The following PKN2 variants were observed in gnomAD, a reference collection of about 807,000 sequenced individuals.
PKN2 encodes protein kinase N2.
Under a neutral mutation model 119.1 loss-of-function variants are expected in PKN2, and 38 were observed. The ratio of observed to expected loss-of-function variants is 0.32; its 90% CI spans 0.25 to 0.42. The LOEUF is 0.42. Among genes scored for constraint, PKN2 ranks in the 10% least tolerant of loss-of-function variants. The pLI is 1.00. For synonymous variants in PKN2, 390 were observed against 384.9 expected (o/e 1.01, Z -0.15); for missense variants, 850 against 1,165.1 (o/e 0.73, Z 3.94).
At chr1:88,725,632 A>G (rs1667865531) in intron 1 of PKN2, among the ~76,000 whole-genome samples, 1 of 152,190 alleles carries the variant, frequency 6.6e-6, no homozygotes, top group Non-Finnish European at 1.5e-5. Flanking sequence ...TATTCCACAT[A>G]TGAATCTCCT....
In PKN2 at chr1:88,741,191, C is replaced by T; in HGVS notation, c.252C>T (p.Asn84=). 6.2e-7 allele frequency: 1 copy of T among 1,602,660 alleles called. No individual in the cohort carries two copies. The highest frequency in any genetic ancestry group is 1.1e-5 in the South Asian group (1 of 87,916). ...AAAAAAGTTTGGCTTATGTAGACAACATTTTGAAAAAATCAAATAAAAAAT... is the reference window on the plus strand; with the variant it reads ...AAAAAAGTTTGGCTTATGTAGACAATATTTTGAAAAAATCAAATAAAAAAT... ...TDKKSLAYVD[N]ILKKSNKKLE... Residue 84 remains asparagine (N), a synonymous_variant, in exon 2 of 22, where the codon AAC becomes AAT. Transcript: ENST00000370521.
At chr1:88,692,434 G>T (rs1348200366) in intron 1 of PKN2, among the ~76,000 whole-genome samples, 2 of 152,130 alleles carry the variant, frequency 1.3e-5, no homozygotes, top group Non-Finnish European at 2.9e-5. Context: ...CTTAAGAGAT[G>T]ATGCAGAACT....
intron 7 of PKN2, among the ~76,000 whole-genome samples, 172 bp from the exon 8 acceptor site, chr1:88,785,929 TAGG>T (rs1293725835): frequency 6.6e-6 from 1 of 152,232 alleles, no homozygotes; most frequent in Non-Finnish European, 1.5e-5. Context: ...GAGTGTCTAG[TAGG>T]AGTATATGTA....
intron 8 of PKN2, among the ~76,000 whole-genome samples, chr1:88,796,597 T>C (rs750679956): frequency 1.3e-5 from 2 of 152,210 alleles, no homozygotes; most frequent in Non-Finnish European, 2.9e-5. Context: ...TCCTCTCCTT[T>C]AATCTTTAGA....
chr1:88,781,071 C>T, intron 6 of PKN2: 2 of 1,153,232 alleles, frequency 1.7e-6, no homozygotes, highest in Non-Finnish European at 2.2e-6. Flanking sequence ...TCCTACTGGA[C>T]CATAAACTAA....
At chr1:88,805,745 G>C (rs768117685) in intron 11 of PKN2, 74 bp downstream of exon 11, 6 of 1,599,108 alleles carry the variant, frequency 3.8e-6, no homozygotes, top group Admixed American at 1.7e-5. Flanking sequence ...TATAGCAGGT[G>C]TACTGAGTCT....
chr1:88,692,340 A>C lies in PKN2; in HGVS notation c.48+7712A>C, dbSNP rs146455906. On this transcript the variant is annotated intron_variant, in intron 1 of 21. Transcript: ENST00000370521. ...AGCAAAGATCCTATGGACAGTCTGCATGTTTCCTACTGTGCATGTGCCACA... is the reference window on the plus strand; with the variant it reads ...AGCAAAGATCCTATGGACAGTCTGCCTGTTTCCTACTGTGCATGTGCCACA... 1.1e-3 allele frequency among the ~76,000 whole-genome samples: 160 copies of C among 152,204 alleles called. No homozygotes were observed. The East Asian group carries it at 0.023, about 22-fold the overall frequency.
rs563696455 is a variant in PKN2, at chr1:88,785,171, T to TG, written c.1171+348dup. 3.3e-5 allele frequency among the ~76,000 whole-genome samples: 5 copies of TG among 152,280 alleles called. No individual in the cohort carries two copies. The South Asian group carries it at 8.3e-4, about 25-fold the overall frequency. Reference sequence around the variant, plus strand: ...TTCTTTATTTTTTGAGACAGTGTTTTGCTCTGTTGCCCAGGCTGGGTGCAG... The same window carrying TG: ...TTCTTTATTTTTTGAGACAGTGTTTTGGCTCTGTTGCCCAGGCTGGGTGCAG... On this transcript the variant is annotated intron_variant, in intron 7 of 21. Coordinates refer to ENST00000370521, the MANE Select transcript of PKN2 (RefSeq NM_006256.4).
chr1:88,735,140 G>T (rs1223772260), intron 1 of PKN2, among the ~76,000 whole-genome samples: 1 of 152,024 alleles, frequency 6.6e-6, no homozygotes, highest in Non-Finnish European at 1.5e-5. Flanking sequence ...TTCATTTAAA[G>T]AACTGTTTTT....
At chr1:88,709,149 G>T (rs1460749622) in intron 1 of PKN2, among the ~76,000 whole-genome samples, 1 of 151,894 alleles carries the variant, frequency 6.6e-6, no homozygotes, top group Non-Finnish European at 1.5e-5. Flanking sequence ...CGCTTCCCGG[G>T]TACAAGTGAT....
At chr1:88,816,728 C>G (rs1672010377) in intron 16 of PKN2, 1 of 151,992 alleles carries the variant, frequency 6.6e-6, no homozygotes, top group Admixed American at 6.6e-5. Flanking sequence ...CCTGGTGGAC[C>G]CTGACCACCA....
chr1:88,735,308 G>C (rs966143644), intron 1 of PKN2, among the ~76,000 whole-genome samples: 1 of 151,824 alleles, frequency 6.6e-6, no homozygotes, highest in Non-Finnish European at 1.5e-5. Context: ...ACAGCCACAC[G>C]CCACCACACC....
At chr1:88,741,858 T>C (rs1278531822) in intron 2 of PKN2, among the ~76,000 whole-genome samples, 1 of 152,052 alleles carries the variant, frequency 6.6e-6, no homozygotes, top group Non-Finnish European at 1.5e-5. Context: ...TAACCTATGA[T>C]TTCAATATAA....
chr1:88,810,104 A>G (rs528822596), intron 15 of PKN2, among the ~76,000 whole-genome samples: 3 of 152,206 alleles, frequency 2.0e-5, no homozygotes, highest in African/African-American at 4.8e-5. Context: ...AAAAAAATTT[A>G]TAAGTTTTTT....
chr1:88,765,267 T>C (rs1226189160), intron 3 of PKN2, among the ~76,000 whole-genome samples: 1 of 138,804 alleles, frequency 7.2e-6, no homozygotes, highest in African/African-American at 2.8e-5. Flanking sequence ...CCCAGGAGTT[T>C]TTGAGACTTC....
At chr1:88,754,316 A>G (rs767744416) in intron 2 of PKN2, among the ~76,000 whole-genome samples, 7 of 151,694 alleles carry the variant, frequency 4.6e-5, no homozygotes, top group Non-Finnish European at 7.4e-5. Context: ...TTAATCTGCT[A>G]TTTTTCTGTG....
intron 1 of PKN2, among the ~76,000 whole-genome samples, chr1:88,732,888 T>A (rs1458391620): frequency 3.9e-5 from 6 of 152,132 alleles, no homozygotes; most frequent in African/African-American, 1.4e-4. Flanking sequence ...TAGAGGACAC[T>A]AAGCCAGGCA....
At chr1:88,824,518 C>A in intron 18 of PKN2, 132 bp downstream of exon 18, 1 of 575,392 alleles carries the variant, frequency 1.7e-6, no homozygotes, top group Non-Finnish European at 3.1e-6. Context: ...ATTGTAGATA[C>A]AATGAAAACA....
chr1:88,773,849 TA>T (rs1405178045), intron 6 of PKN2, among the ~76,000 whole-genome samples: 8 of 152,130 alleles, frequency 5.3e-5, no homozygotes, highest in Non-Finnish European at 8.8e-5. Context: ...TGGTGGTAAC[TA>T]CTGAGAGGTA....
Sources: gnomAD v4.1 joint callset for allele counts (sites outside exome capture counted in the v4.1 genomes callset) on GRCh38, gnomAD v4.1.1 for gene constraint, MANE v1.5 for transcripts, NCBI Gene and HGNC (gene_info 2026-07-23, HGNC 2026-07-21) for gene names.